Variants in CCDC80 observed in about 807,000 individuals in gnomAD.
CCDC80 encodes coiled-coil domain containing 80.
CCDC80 carries 49 observed loss-of-function variants against 78.7 expected under a neutral mutation model. The ratio of observed to expected loss-of-function variants is 0.62; its 90% CI spans 0.50 to 0.79. CCDC80 has a LOEUF of 0.79. CCDC80 is among the 30% of genes least tolerant of loss of function. The pLI is 0.00. For missense variants in CCDC80, 1,205 were observed against 1,198.6 expected, an observed-to-expected ratio of 1.01 and a Z score of -0.08; for synonymous variants, 488 against 447.0, an observed-to-expected ratio of 1.09 and a Z score of -1.16.
chr3:112,627,962 A>G (rs1249846092), intron 3 of CCDC80, among the ~76,000 whole-genome samples: 1 of 152,172 alleles, frequency 6.6e-6, no homozygotes, highest in African/African-American at 2.4e-5. Flanking sequence ...TTGCCAAGGC[A>G]GTACCAGATG....
intron 6 of CCDC80, among the ~76,000 whole-genome samples, chr3:112,609,467 T>A (rs891188013): frequency 2.8e-4 from 43 of 152,184 alleles, no homozygotes; most frequent in Admixed American, 1.9e-3. Context: ...AATCCTTTTT[T>A]AAAAAAAATT....
chr3:112,638,901 G>T lies in CCDC80; in HGVS notation c.1005C>A (p.Ala335=). 2 of 1,613,384 alleles carry T rather than the reference G, an allele frequency of 1.2e-6. No homozygotes were observed. Among genetic ancestry groups the T allele is most frequent in the Non-Finnish European group, 1.7e-6 (2 of 1,179,984 alleles). ...ESRVKVLRKL[A]ATAPALPQPP... ...GTTGGGGCAAAGCTGGTGCAGTGGCGGCCAGTTTTCTCAGGACCTTCACCC... is the reference window on the plus strand; with the variant it reads ...GTTGGGGCAAAGCTGGTGCAGTGGCTGCCAGTTTTCTCAGGACCTTCACCC... The change falls in exon 2 of 8, where the codon GCC becomes GCA. Residue 335 remains alanine (A), a synonymous_variant. Coordinates refer to ENST00000206423, the MANE Select transcript of CCDC80 (RefSeq NM_199511.3).
chr3:112,617,957 G>A (rs558100996), intron 4 of CCDC80, among the ~76,000 whole-genome samples: 14 of 152,272 alleles, frequency 9.2e-5, no homozygotes, highest in South Asian at 4.1e-4. Context: ...CAGCCTCTGT[G>A]GGAATGAAGT....
At chr3:112,633,115 C>CG (rs1197554700) in intron 2 of CCDC80, among the ~76,000 whole-genome samples, 1 of 152,136 alleles carries the variant, frequency 6.6e-6, no homozygotes, top group Non-Finnish European at 1.5e-5. Context: ...AACCTCATCA[C>CG]GTTGTGAGAT....
Position 112,640,898 on chromosome 3 carries a change from T to G in CCDC80, c.-583A>C, listed in dbSNP as rs530692784. 8 of 152,336 alleles carry G rather than the reference T, an allele frequency of 5.3e-5. No homozygotes were observed. Among genetic ancestry groups the G allele is most frequent in the Admixed American group, 2.0e-4 (3 of 15,310 alleles). The allele number at this position is 152,336 out of a possible 1,614,324, so 9.4% of individuals were successfully genotyped here. ...GACTTTTTTTTTCTTTCACTGTGCT[T>G]CTCTCCTCCCTTTATTTCTCCCTAC... On this transcript the variant is annotated 5_prime_UTR_variant, in exon 1 of 8. Transcript: ENST00000206423.
chr3:112,621,389 A>AC (rs1352676767), intron 3 of CCDC80, among the ~76,000 whole-genome samples: 1 of 151,976 alleles, frequency 6.6e-6, no homozygotes, highest in Non-Finnish European at 1.5e-5. Context: ...CAGCCCACTG[A>AC]CCCCCAGCAT....
At chr3:112,610,199 A>G (rs1044534141) in intron 5 of CCDC80, 118 bp from the exon 6 acceptor site, 1 of 790,020 alleles carries the variant, frequency 1.3e-6, no homozygotes, top group Non-Finnish European at 2.1e-6. Context: ...AAAAAAAAAG[A>G]AAAAAACAGA....
chr3:112,603,437 C>G lies in CCDC80; in HGVS notation c.*1980G>C, dbSNP rs1026664785. ...GTCTGAGGCAGGAGAATCACTTGAA[C>G]CCCGGAGGCAGAGGTTGCAGTGAGC... On this transcript the variant is annotated 3_prime_UTR_variant, in exon 8 of 8. Coordinates refer to ENST00000206423, the MANE Select transcript of CCDC80 (RefSeq NM_199511.3). The G allele has an allele frequency of 4.0e-5, 6 of 151,292 alleles. No individual in the cohort carries two copies. Among genetic ancestry groups the G allele is most frequent in the African/African-American group, 1.2e-4 (5 of 41,094 alleles). The allele number at this position is 151,292 out of a possible 1,614,324, so 9.4% of individuals were successfully genotyped here.
At chr3:112,613,902 A>G (rs557155553) in intron 5 of CCDC80, among the ~76,000 whole-genome samples, 2 of 151,868 alleles carry the variant, frequency 1.3e-5, no homozygotes, top group East Asian at 3.9e-4. Flanking sequence ...GTATATGTAT[A>G]TAAATATATT....
chr3:112,613,868 A>C (rs965251246), intron 5 of CCDC80, among the ~76,000 whole-genome samples: 6 of 151,566 alleles, frequency 4.0e-5, no homozygotes, highest in African/African-American at 1.5e-4. Flanking sequence ...ATGTTTGTAT[A>C]TATCTATAAT....
rs1345285273 is a variant in CCDC80 at position 112,605,690 on chromosome 3, G to C, written c.2580C>G (p.Ser860Arg). ...VKDIRNYFQV[S>R]PEYFSMLLVG... ...CTAGAAGCATGGAGAAGTACTCCGG[G>C]CTCACTTGAAAATAGTTACGAATGT... is the stretch of plus-strand genomic sequence containing the variant. Residue 860 changes from serine to arginine, a missense_variant, in exon 8 of 8, where the codon AGC becomes AGG. By Grantham distance (110) the Ser-to-Arg change is moderately radical (BLOSUM62 -1). Transcript: ENST00000206423. The C allele has an allele frequency of 6.2e-7, 1 of 1,614,074 alleles. No homozygotes were observed. Among genetic ancestry groups the C allele is most frequent in the African/African-American group, 1.3e-5 (1 of 74,912 alleles).
Position 112,639,220 on chromosome 3 carries a change from T to C in CCDC80, c.686A>G (p.Glu229Gly), listed in dbSNP as rs777414688. 1.2e-6 allele frequency: 2 copies of C among 1,614,134 alleles called. No homozygotes were observed. Among genetic ancestry groups the C allele is most frequent in the Non-Finnish European group, 1.7e-6 (2 of 1,180,024 alleles). ...CAGCACCATGCCAAACTTGCCCTTC[T>C]CCAGCTTCAGGAAGCTCATCAGCTT... ...IPKLMSFLKL[E>G]KGKFGMVLLK... The change falls in exon 2 of 8, where the codon GAG (glutamate) becomes GGG (glycine). Residue 229 changes from glutamate (E) to glycine (G), a missense_variant. Physicochemically the swap from Glu to Gly is moderately conservative, Grantham distance 98. Coordinates refer to ENST00000206423, the MANE Select transcript of CCDC80 (RefSeq NM_199511.3).
At chr3:112,616,494 C>A (rs1368199967) in intron 5 of CCDC80, among the ~76,000 whole-genome samples, 3 of 146,310 alleles carry the variant, frequency 2.1e-5, no homozygotes, top group Non-Finnish European at 4.5e-5. Context: ...GTCACCAAAT[C>A]AACATTGATG....
intron 5 of CCDC80, among the ~76,000 whole-genome samples, chr3:112,615,003 A>G (rs1446647656): frequency 6.6e-6 from 1 of 152,238 alleles, no homozygotes; most frequent in Non-Finnish European, 1.5e-5. Flanking sequence ...TAGCACACAA[A>G]AAGTGTTCAC....
At chr3:112,623,290 A>G (rs1057024245) in intron 3 of CCDC80, among the ~76,000 whole-genome samples, 1 of 152,222 alleles carries the variant, frequency 6.6e-6, no homozygotes, top group Non-Finnish European at 1.5e-5. Flanking sequence ...CAGAAAATTC[A>G]GCTTCAGTTA....
intron 3 of CCDC80, among the ~76,000 whole-genome samples, chr3:112,620,330 T>C (rs935065478): frequency 3.3e-5 from 5 of 152,294 alleles, no homozygotes; most frequent in African/African-American, 4.8e-5. Context: ...CAGTGCTTCA[T>C]GGAGGTGGTC....
intron 3 of CCDC80, among the ~76,000 whole-genome samples, chr3:112,624,072 C>A (rs1264948834): frequency 6.6e-6 from 1 of 152,046 alleles, no homozygotes; most frequent in Non-Finnish European, 1.5e-5. Flanking sequence ...AGAACTCTCC[C>A]ATAAGAAAGA....
At chr3:112,607,100 C>G in intron 7 of CCDC80, 76 bp downstream of exon 7, 1 of 1,092,444 alleles carries the variant, frequency 9.2e-7, no homozygotes, top group Non-Finnish European at 1.4e-6. Flanking sequence ...GATACACCCA[C>G]TGCTTGCATA....
Position 112,638,981 on chromosome 3 carries a change from C to G in CCDC80, c.925G>C (p.Glu309Gln), listed in dbSNP as rs150960729. The G allele has an allele frequency of 2.5e-6, 4 of 1,612,006 alleles. No homozygotes were observed. The highest frequency in any genetic ancestry group is 3.4e-6 in the Non-Finnish European group (4 of 1,179,994). ...CTCCTTGGGTCCTCTTTCTTCTTCT[C>G]GCTGCCCAGGCTTGGCCTTCCTGCT... The part of the protein sequence containing the change: ...GGAGRPSLGS[E>Q]KKKEDPRRAQ... Residue 309 changes from glutamate to glutamine, a missense_variant, in exon 2 of 8, where the codon GAG becomes CAG. Glu to Gln is a conservative substitution (Grantham distance 29). Coordinates refer to ENST00000206423, the MANE Select transcript of CCDC80 (RefSeq NM_199511.3).
Sources: allele counts gnomAD v4.1 joint callset (sites outside exome capture counted in the v4.1 genomes callset), GRCh38; gene constraint gnomAD v4.1.1; transcripts MANE v1.5; gene names NCBI Gene and HGNC (gene_info 2026-07-23, HGNC 2026-07-21).